The following VWA5B1 variants were observed in gnomAD, a reference collection of about 807,000 sequenced individuals.
The protein encoded by VWA5B1 is von Willebrand factor A domain containing 5B1, also known as von Willebrand factor A domain-containing protein 5B1.
A neutral mutation model predicts 118.2 loss-of-function variants in VWA5B1; 115 were observed. The ratio of observed to expected loss-of-function variants is 0.97; its 90% CI spans 0.84 to 1.14. VWA5B1 has a LOEUF of 1.14. Among genes scored for constraint, VWA5B1 ranks in the 50% most tolerant of loss-of-function variants. VWA5B1 has a pLI of 0.00. For missense variants in VWA5B1, 1,596 were observed against 1,603.8 expected, an observed-to-expected ratio of 1.00 and a Z score of 0.08; for synonymous variants, 682 against 658.4, an observed-to-expected ratio of 1.04 and a Z score of -0.55.
chr1:20,318,950 G>A (rs559328093), intron 6 of VWA5B1, among the ~76,000 whole-genome samples: 27 of 152,252 alleles, frequency 1.8e-4, no homozygotes, highest in Admixed American at 1.8e-3. Flanking sequence ...AGAGGCCTAG[G>A]GTCTCATCCA....
Position 20,350,823 on chromosome 1 carries a change from C to T in VWA5B1, c.2954-34C>T, listed in dbSNP as rs752082024. On this transcript the variant is annotated intron_variant, in intron 19 of 21. Transcript: ENST00000289815. ...GTGAGCAGTTGGACGGGGTCATCTT[C>T]AGGTCTCAACTTGGTCATTCTGTGG... 12 of 1,548,320 alleles carry T rather than the reference C, an allele frequency of 7.8e-6. No homozygotes were observed. In the South Asian group the frequency reaches 9.5e-5, roughly 12 times the overall value.
At chr1:20,350,979 G>C in intron 20 of VWA5B1, 53 bp downstream of exon 20, 1 of 1,527,690 alleles carries the variant, frequency 6.5e-7, no homozygotes, top group South Asian at 1.2e-5. Context: ...TTTTCCTGGG[G>C]TGGTCCCTGG....
chr1:20,344,361 G>A (rs561404354), intron 16 of VWA5B1, among the ~76,000 whole-genome samples: 1 of 152,166 alleles, frequency 6.6e-6, no homozygotes, highest in South Asian at 2.1e-4. Flanking sequence ...CATTCATCAC[G>A]CCATTATTTA....
Position 20,350,196 on chromosome 1 carries a change from G to C in VWA5B1, c.2919G>C (p.Arg973Ser), listed in dbSNP as rs756990501. 7 of 1,551,072 alleles carry C rather than the reference G, an allele frequency of 4.5e-6. No individual in the cohort carries two copies. The African/African-American group carries it at 9.6e-5, about 21-fold the overall frequency. ...CCACTGCTCTCTTCAGCGAGGCCAG[G>C]TCCCCCGGCCGCGAGAAGCACGGTG... ...ASPTALFSEA[R>S]SPGREKHGAS... Residue 973 changes from arginine to serine, a missense_variant, in exon 19 of 22, where the codon AGG becomes AGC. Arg to Ser is a moderately radical substitution (Grantham distance 110). Transcript: ENST00000289815.
chr1:20,333,013 C>A, intron 12 of VWA5B1, 62 bp downstream of exon 12: 1 of 1,518,564 alleles, frequency 6.6e-7, no homozygotes, highest in South Asian at 1.3e-5. Context: ...ACAAATCAGC[C>A]TTAGCTGGAA....
chr1:20,340,605 C>T (rs1570197075), intron 14 of VWA5B1, among the ~76,000 whole-genome samples: 2 of 152,338 alleles, frequency 1.3e-5, no homozygotes, highest in South Asian at 4.1e-4. Flanking sequence ...AGTGTCTTTT[C>T]GCCCTCATCC....
At chr1:20,291,472 T>C (rs1261483004) in intron 1 of VWA5B1, among the ~76,000 whole-genome samples, 1 of 76,634 alleles carries the variant, frequency 1.3e-5, no homozygotes, top group African/African-American at 9.6e-5. Flanking sequence ...CTGTTTCTCT[T>C]TTTTCTCTGT....
In VWA5B1 at chr1:20,352,110, A is replaced by G; in HGVS notation, c.3079A>G (p.Lys1027Glu). Residue 1027 changes from lysine (K) to glutamate (E), a missense_variant, in exon 21 of 22, where the codon AAG (lysine) becomes GAG (glutamate). Physicochemically the swap from Lys to Glu is moderately conservative, Grantham distance 56 (BLOSUM62 1). Transcript: ENST00000289815. ...GCGAGCAGCCAAGGGCTTCCTGAGC[A>G]AGCCACTGATCAAAGCTGTGGAGTC... The part of the protein sequence containing the change: ...LTRAAKGFLS[K>E]PLIKAVESTS... 1 of 1,551,440 alleles carries G rather than the reference A, an allele frequency of 6.4e-7. No homozygotes were observed. Among genetic ancestry groups the G allele is most frequent in the Non-Finnish European group, 8.7e-7 (1 of 1,146,952 alleles).
In VWA5B1 at chr1:20,342,615, T is replaced by C. The variant is rs1468206471; in HGVS notation, c.2311+6T>C. On this transcript the variant is annotated splice_donor_region_variant and intron_variant, in intron 15 of 21. Transcript: ENST00000289815. ...CCGAAGCCCTGGAGATCTGGGTAAG[T>C]GACCACAGGGTCCAGGACCCAACTG... 5 of 1,475,542 alleles carry C rather than the reference T, an allele frequency of 3.4e-6. No homozygotes were observed. Among genetic ancestry groups the C allele is most frequent in the Non-Finnish European group, 4.5e-6 (5 of 1,113,832 alleles). The allele number at this position is 1,475,542 out of a possible 1,614,324, so 91.4% of individuals were successfully genotyped here.
intron 11 of VWA5B1, 68 bp from the exon 12 acceptor site, chr1:20,332,698 C>T: frequency 6.7e-7 from 1 of 1,501,786 alleles, no homozygotes; most frequent in African/African-American, 1.4e-5. Context: ...TAAGCTGATA[C>T]TTACATGATC....
intron 1 of VWA5B1, among the ~76,000 whole-genome samples, chr1:20,293,038 G>A (rs2088340939): frequency 6.6e-6 from 1 of 152,196 alleles, no homozygotes; most frequent in Non-Finnish European, 1.5e-5. Context: ...CTCTCAGAAG[G>A]TGCTCTAGAC....
At chr1:20,342,031 T>C (rs1440487771) in intron 14 of VWA5B1, among the ~76,000 whole-genome samples, 1 of 151,966 alleles carries the variant, frequency 6.6e-6, no homozygotes, top group Non-Finnish European at 1.5e-5. Context: ...GAATATTTTT[T>C]GAGTGAGAAA....
intron 16 of VWA5B1, among the ~76,000 whole-genome samples, chr1:20,345,195 G>T (rs898459607): frequency 2.0e-5 from 3 of 152,208 alleles, no homozygotes; most frequent in Admixed American, 2.0e-4. Context: ...TTTAAAGGAA[G>T]TAGCTGTCTT....
At chr1:20,351,628 G>C (rs573111970) in intron 20 of VWA5B1, among the ~76,000 whole-genome samples, 62 of 152,028 alleles carry the variant, frequency 4.1e-4, no homozygotes, top group Non-Finnish European at 7.6e-4. Context: ...CTCCAGCCTG[G>C]GCAACAGAGC....
intron 11 of VWA5B1, among the ~76,000 whole-genome samples, chr1:20,332,128 G>A (rs1473183819): frequency 1.3e-5 from 2 of 152,196 alleles, no homozygotes; most frequent in East Asian, 1.9e-4. Flanking sequence ...GCGCAAACCT[G>A]TGTGCCCTTG....
At position 20,318,628 on chromosome 1, in the gene VWA5B1, G is replaced by A. The variant is rs1048425237; in HGVS notation, c.748G>A (p.Ala250Thr). The change falls in exon 6 of 22, where the codon GCC (alanine) becomes ACC (threonine). Residue 250 changes from alanine (A) to threonine (T), a missense_variant. Transcript: ENST00000289815. ...SPTHEIRADA[A>T]PSARSAKSII... ...CACTCATGAGATTCGTGCCGACGCC[G>A]CCCCATCTGCCCGCTCGGCCAAGAG... 4.0e-5 allele frequency: 62 copies of A among 1,550,618 alleles called. No individual in the cohort carries two copies. The Admixed American group carries it at 6.3e-4, about 16-fold the overall frequency.
Position 20,354,386 on chromosome 1 carries a change from C to A in VWA5B1, c.*123C>A. 1 of 1,273,054 alleles carries A rather than the reference C, an allele frequency of 7.9e-7. No individual in the cohort carries two copies. The highest frequency in any genetic ancestry group is 2.6e-5 in the East Asian group (1 of 38,922). The allele number at this position is 1,273,054 out of a possible 1,614,324, so 78.9% of individuals were successfully genotyped here. ...TAATATTTCAGTTACTAGAAAGAGC[C>A]CTGGACTGGCAGCCAGGAGGCCTGA... On this transcript the variant is annotated 3_prime_UTR_variant, in exon 22 of 22. Coordinates refer to ENST00000289815, the MANE Select transcript of VWA5B1 (RefSeq NM_001039500.3).
intron 1 of VWA5B1, among the ~76,000 whole-genome samples, chr1:20,302,906 C>T (rs1239330897): frequency 6.6e-6 from 1 of 152,130 alleles, no homozygotes; most frequent in African/African-American, 2.4e-5. Flanking sequence ...CTGGCTGGAG[C>T]ATGGGGTAAA....
At chr1:20,308,786 G>A (rs1324493517) in intron 1 of VWA5B1, among the ~76,000 whole-genome samples, 1 of 152,210 alleles carries the variant, frequency 6.6e-6, no homozygotes, top group Non-Finnish European at 1.5e-5. Context: ...GGGTGCCGGG[G>A]TGTCGGGGAG....
Sources: gnomAD v4.1 joint callset for allele counts (sites outside exome capture counted in the v4.1 genomes callset) on GRCh38, gnomAD v4.1.1 for gene constraint, MANE v1.5 for transcripts, NCBI Gene and HGNC (gene_info 2026-07-23, HGNC 2026-07-21) for gene names.